The following PARVA variants were observed in gnomAD, a reference collection of about 807,000 sequenced individuals.
PARVA encodes the protein alpha-parvin.
Under a neutral mutation model 52.6 loss-of-function variants are expected in PARVA, and 25 were observed. That is an observed-to-expected ratio of 0.48 (90% CI 0.35 to 0.66). The LOEUF is 0.66. Ranked by LOEUF, PARVA falls within the 30% of genes least tolerant of loss-of-function variation. The pLI is 0.01. For missense variants in PARVA, 373 were observed against 450.9 expected (o/e 0.83, Z 1.56); for synonymous variants, 185 against 179.1 (o/e 1.03, Z -0.26).
chr11:12,411,777 G>T (rs951990733), intron 1 of PARVA, among the ~76,000 whole-genome samples: 5 of 152,096 alleles, frequency 3.3e-5, no homozygotes, highest in Non-Finnish European at 7.4e-5. Flanking sequence ...ATGTTTATGG[G>T]GAGTCTAAAA....
upstream of PARVA, chr11:12,376,763 C>T: frequency 1.0e-6 from 1 of 977,286 alleles, no homozygotes; most frequent in Non-Finnish European, 1.2e-6. Context: ...GCCTTTTAAT[C>T]ATTTCCAGTA....
At chr11:12,423,487 T>G (rs556533612) in intron 1 of PARVA, among the ~76,000 whole-genome samples, 1 of 152,114 alleles carries the variant, frequency 6.6e-6, no homozygotes, top group South Asian at 2.1e-4. Flanking sequence ...TTTATGATAT[T>G]CGAGTTCACC....
intron 1 of PARVA, among the ~76,000 whole-genome samples, chr11:12,407,332 T>C (rs895884680): frequency 6.6e-6 from 1 of 152,178 alleles, no homozygotes; most frequent in African/African-American, 2.4e-5. Flanking sequence ...GGAAAAATAG[T>C]GGATAAATTT....
At chr11:12,389,617 A>G (rs1225067981) in intron 1 of PARVA, among the ~76,000 whole-genome samples, 3 of 152,178 alleles carry the variant, frequency 2.0e-5, no homozygotes, top group Non-Finnish European at 4.4e-5. Context: ...GAAGCCAGCA[A>G]AGGGATCCCC....
At chr11:12,389,577 A>G (rs755291812) in intron 1 of PARVA, among the ~76,000 whole-genome samples, 4 of 152,182 alleles carry the variant, frequency 2.6e-5, no homozygotes, top group Non-Finnish European at 5.9e-5. Context: ...TGGAACTCTT[A>G]GGAGACATGG....
At chr11:12,490,235 TAGGAG>T (rs1941217044) in intron 4 of PARVA, among the ~76,000 whole-genome samples, 1 of 111,856 alleles carries the variant, frequency 8.9e-6, no homozygotes, top group Admixed American at 1.0e-4. Flanking sequence ...AAAAAAAAGT[TAGGAG>T]AGGCGGGGCT....
At chr11:12,493,253 G>C (rs1941254500) in intron 4 of PARVA, among the ~76,000 whole-genome samples, 1 of 151,718 alleles carries the variant, frequency 6.6e-6, no homozygotes, top group South Asian at 2.1e-4. Context: ...CTACTTAGGA[G>C]GCTGAGACAG....
intron 1 of PARVA, chr11:12,452,986 G>T (rs1003450287): frequency 2.2e-6 from 1 of 456,344 alleles, no homozygotes. Flanking sequence ...TGCCATGATT[G>T]CCATGAAATC....
chr11:12,514,139 C>A, intron 10 of PARVA, 74 bp downstream of exon 10: 1 of 1,216,800 alleles, frequency 8.2e-7, no homozygotes, highest in East Asian at 2.4e-5. Flanking sequence ...GCCCACCACA[C>A]TTGGCCAGGA....
At chr11:12,513,071 A>C (rs935065778) in intron 8 of PARVA, 30 of 678,610 alleles carry the variant, frequency 4.4e-5, no homozygotes, top group Non-Finnish European at 6.3e-5. Context: ...GCCCCAATCC[A>C]ATAATGTACA....
intron 1 of PARVA, among the ~76,000 whole-genome samples, chr11:12,391,917 T>C (rs970997395): frequency 2.0e-5 from 3 of 152,170 alleles, no homozygotes; most frequent in African/African-American, 7.2e-5. Flanking sequence ...CAGTGGTCTT[T>C]AGTATATTCA....
chr11:12,428,880 A>T lies in PARVA; in HGVS notation c.137-44865A>T, dbSNP rs2134991882. 1.3e-5 allele frequency among the ~76,000 whole-genome samples: 2 copies of T among 152,364 alleles called. 1 individual carries two copies. Among genetic ancestry groups the T allele is most frequent in the South Asian group, 4.1e-4 (2 of 4,828 alleles). On this transcript the variant is annotated intron_variant, in intron 1 of 12. Transcript: ENST00000334956. ...GGGTATCATTTGCTAAGTGAATAAA[A>T]ACAGAAGGAGCTTCAGGAATTTGGG... is the stretch of plus-strand genomic sequence containing the variant.
chr11:12,470,533 T>G (rs554833624), intron 1 of PARVA, among the ~76,000 whole-genome samples: 127 of 152,348 alleles, frequency 8.3e-4, no homozygotes, highest in African/African-American at 2.9e-3. Context: ...GCAGCTTGGC[T>G]TCTAACCACT....
intron 1 of PARVA, among the ~76,000 whole-genome samples, chr11:12,454,008 C>T (rs1940660199): frequency 1.3e-5 from 2 of 152,188 alleles, no homozygotes; most frequent in South Asian, 4.1e-4. Context: ...AAATCCACTC[C>T]TTTGCCCCTT....
chr11:12,389,878 C>G (rs1939632389), intron 1 of PARVA, among the ~76,000 whole-genome samples: 1 of 152,212 alleles, frequency 6.6e-6, no homozygotes, highest in Admixed American at 6.5e-5. Context: ...CGTGGATGCT[C>G]TCCCTGGGAG....
Position 12,430,798 on chromosome 11 carries a change from G to T in PARVA, c.137-42947G>T, listed in dbSNP as rs545730122. 2.6e-5 allele frequency among the ~76,000 whole-genome samples: 4 copies of T among 152,284 alleles called. No homozygotes were observed. The South Asian group carries it at 8.3e-4, about 32-fold the overall frequency. On this transcript the variant is annotated intron_variant, in intron 1 of 12. Coordinates refer to ENST00000334956, the MANE Select transcript of PARVA (RefSeq NM_018222.5). ...ATTAGTTACTCTAAAGTGTTCAAAA[G>T]TTCCCTCCTGATCTCACCTCCTAAA...
At chr11:12,411,123 T>G (rs983610242) in intron 1 of PARVA, among the ~76,000 whole-genome samples, 2 of 152,234 alleles carry the variant, frequency 1.3e-5, no homozygotes, top group South Asian at 4.1e-4. Flanking sequence ...TTCTAACTTA[T>G]AACAGTTATA....
chr11:12,519,925 G>A (rs1452333583), intron 12 of PARVA, among the ~76,000 whole-genome samples: 1 of 152,156 alleles, frequency 6.6e-6, no homozygotes, highest in African/African-American at 2.4e-5. Flanking sequence ...TTCTTGTTCT[G>A]TGGGCAGATG....
rs1040505779 is a variant in PARVA at position 12,533,787 on chromosome 11, A to G, written c.*5862A>G. Among the ~76,000 whole-genome samples, 1 of 149,764 alleles carries G rather than the reference A, an allele frequency of 6.7e-6. No individual in the cohort carries two copies. On this transcript the variant is annotated 3_prime_UTR_variant, in exon 13 of 13. Transcript: ENST00000334956. The stretch of plus-strand genomic sequence containing the variant: ...AGGTCATCATAAAGTCCTCATCCTC[A>G]TGGTCATCACATTGAGTAGGCGGAG...
Sources: allele counts gnomAD v4.1 joint callset (sites outside exome capture counted in the v4.1 genomes callset), GRCh38; gene constraint gnomAD v4.1.1; transcripts MANE v1.5; gene names NCBI Gene and HGNC (gene_info 2026-07-23, HGNC 2026-07-21).